Variants in UFSP2 observed in about 807,000 individuals in gnomAD.
UFSP2 encodes the protein ufm1-specific protease 2.
In UFSP2, 43 loss-of-function variants were observed where a neutral mutation model predicts 60.2. The observed-to-expected ratio is 0.71, with a 90% CI of 0.56 to 0.92. The LOEUF is 0.92. Ranked by LOEUF, UFSP2 falls within the 40% of genes least tolerant of loss-of-function variation. UFSP2 has a pLI of 0.00. For missense variants in UFSP2, 520 were observed against 575.0 expected (o/e 0.90, Z 0.98); for synonymous variants, 183 against 195.1 (o/e 0.94, Z 0.52).
In UFSP2 at chr4:185,421,219, T is replaced by G. The variant is rs192451160; in HGVS notation, c.82+1266A>C. Among the ~76,000 whole-genome samples the G allele has an allele frequency of 7.9e-5, 12 of 152,340 alleles. 1 individual carries two copies. The highest frequency in any genetic ancestry group is 7.8e-4 in the Admixed American group (12 of 15,300). Reference sequence around the variant, plus strand: ...ACCAAAACTGAGAACAATTTATTAGTTGAAGGGATGGGTGGAAAAGAATAT... The same window carrying G: ...ACCAAAACTGAGAACAATTTATTAGGTGAAGGGATGGGTGGAAAAGAATAT... On this transcript the variant is annotated intron_variant, in intron 2 of 11. Transcript: ENST00000264689.
At chr4:185,417,542 T>C (rs568940706) in intron 4 of UFSP2, among the ~76,000 whole-genome samples, 1 of 152,310 alleles carries the variant, frequency 6.6e-6, no homozygotes, top group South Asian at 2.1e-4. Flanking sequence ...TTTCCATAGC[T>C]AGTGGTTTAG....
chr4:185,401,182 T>G (rs1374084252), intron 11 of UFSP2, among the ~76,000 whole-genome samples: 1 of 152,178 alleles, frequency 6.6e-6, no homozygotes, highest in Non-Finnish European at 1.5e-5. Flanking sequence ...GAAAATACCA[T>G]GAAGTGAGTG....
Position 185,425,939 on chromosome 4 carries a change from G to C in UFSP2, c.-71C>G, listed in dbSNP as rs148125914. On this transcript the variant is annotated 5_prime_UTR_variant, in exon 1 of 12. Transcript: ENST00000264689. ...TTCCGGGGGCCGGCCCTGAAGTGGT[G>C]TCACCGCACGGCCCAGGGGCGGGGC... The C allele has an allele frequency of 1.3e-6, 2 of 1,539,502 alleles. No homozygotes were observed. The highest frequency in any genetic ancestry group is 2.7e-5 in the African/African-American group (2 of 73,508).
At position 185,418,510 on chromosome 4, in the gene UFSP2, A is replaced by G; in HGVS notation, c.267-3T>C. Reference sequence around the variant, plus strand: ...TTATATCTTCTTCTGGCTCAAATCTAAATTTTTAATACACAGACATTTATA... The same window carrying G: ...TTATATCTTCTTCTGGCTCAAATCTGAATTTTTAATACACAGACATTTATA... On this transcript the variant is annotated splice_region_variant and splice_polypyrimidine_tract_variant and intron_variant, in intron 3 of 11. Coordinates refer to ENST00000264689, the MANE Select transcript of UFSP2 (RefSeq NM_018359.5). 1.2e-6 allele frequency: 2 copies of G among 1,611,340 alleles called. No homozygotes were observed. The highest frequency in any genetic ancestry group is 1.7e-6 in the Non-Finnish European group (2 of 1,178,862).
intron 4 of UFSP2, chr4:185,416,128 C>T (rs2095538293): frequency 3.7e-6 from 1 of 270,620 alleles, no homozygotes; most frequent in South Asian, 1.6e-4. Context: ...AGCTGTACTA[C>T]AGTAAAAAGA....
chr4:185,403,966 C>CT, intron 10 of UFSP2, among the ~76,000 whole-genome samples: 1 of 85,110 alleles, frequency 1.2e-5, no homozygotes. Flanking sequence ...GCAAGACTCT[C>CT]AAAAAAAAAA....
chr4:185,422,493 G>C lies in UFSP2; in HGVS notation c.74C>G (p.Thr25Ser). ...TTTTTCAGAAGACCTACCATTAGGA[G>C]TAGCTAGCTGAAAAGCCAAATCAAG... is the stretch of plus-strand genomic sequence containing the variant. Reference protein sequence around the residue: ...GGLDLAFQLATPNEIFLKKAL... With the variant: ...GGLDLAFQLASPNEIFLKKAL... Residue 25 changes from threonine to serine, a missense_variant, in exon 2 of 12, where the codon ACT becomes AGT. By Grantham distance (58) the Thr-to-Ser change is moderately conservative. Transcript: ENST00000264689. 6.2e-7 allele frequency: 1 copy of C among 1,609,264 alleles called. No homozygotes were observed. Among genetic ancestry groups the C allele is most frequent in the Non-Finnish European group, 8.5e-7 (1 of 1,178,344 alleles).
In UFSP2 at chr4:185,403,527, G is replaced by C. The variant is rs554498536; in HGVS notation, c.1290C>G (p.Thr430=). ...IKFLILDPHY[T]GAEDLQVILE... is the part of the protein sequence containing the mutation. ...AAATAACTTGCAGGTCTTCAGCACC[G>C]GTATAATGTGGATCTAGAATCAGAA... The change falls in exon 11 of 12, where the codon ACC becomes ACG. Residue 430 remains threonine (T), a synonymous_variant. Coordinates refer to ENST00000264689, the MANE Select transcript of UFSP2 (RefSeq NM_018359.5). 1.2e-6 allele frequency: 2 copies of C among 1,613,948 alleles called. No individual in the cohort carries two copies. Among genetic ancestry groups the C allele is most frequent in the Non-Finnish European group, 1.7e-6 (2 of 1,179,988 alleles).
chr4:185,413,932 A>G, intron 6 of UFSP2, 60 bp from the exon 7 acceptor site: 2 of 1,442,340 alleles, frequency 1.4e-6, no homozygotes, highest in Non-Finnish European at 1.9e-6. Context: ...ATTCCTAGTC[A>G]ATAAATAAAG....
At position 185,400,590 on chromosome 4, in the gene UFSP2, C is replaced by T; in HGVS notation, c.1324-112G>A. On this transcript the variant is annotated intron_variant, in intron 11 of 11. Transcript: ENST00000264689. ...GACCTTGGAATAAGACTCTAAATGG[C>T]TTTATCATTCAAGGATTTGAATTCC... 3 of 621,070 alleles carry T rather than the reference C, an allele frequency of 4.8e-6. No homozygotes were observed. In the South Asian group the frequency reaches 8.2e-5, roughly 17 times the overall value. 38.5% of individuals were successfully genotyped at this position (621,070 alleles called of 1,614,324 possible). A position where few individuals can be genotyped will look rare whatever the true frequency, so the allele number is the denominator to read the frequency against.
intron 1 of UFSP2, among the ~76,000 whole-genome samples, chr4:185,423,547 C>T (rs1289055218): frequency 8.2e-6 from 1 of 122,440 alleles, no homozygotes; most frequent in African/African-American, 2.5e-5. Flanking sequence ...AACCTAACTG[C>T]CAACAATAGA....
At chr4:185,411,154 T>A (rs1379479227) in intron 7 of UFSP2, among the ~76,000 whole-genome samples, 1 of 148,240 alleles carries the variant, frequency 6.7e-6, no homozygotes, top group Non-Finnish European at 1.5e-5. Context: ...GGCATAAAAA[T>A]GATATGAAGA....
chr4:185,402,501 A>C (rs769345102), intron 11 of UFSP2, among the ~76,000 whole-genome samples: 1 of 152,124 alleles, frequency 6.6e-6, no homozygotes, highest in Non-Finnish European at 1.5e-5. Context: ...TTGAGCTGGA[A>C]TTTCACTCCT....
intron 2 of UFSP2, 96 bp downstream of exon 2, chr4:185,422,389 C>T: frequency 1.1e-6 from 1 of 884,518 alleles, no homozygotes; most frequent in Non-Finnish European, 1.8e-6. Context: ...CTTAGTTCAT[C>T]CTATCTCTCT....
intron 11 of UFSP2, among the ~76,000 whole-genome samples, chr4:185,401,172 GAAAAT>G (rs2095512748): frequency 6.6e-6 from 1 of 152,138 alleles, no homozygotes; most frequent in Non-Finnish European, 1.5e-5. Flanking sequence ...CTGAGACTCT[GAAAAT>G]ACCATGAAGT....
chr4:185,408,353 C>G lies in UFSP2; in HGVS notation c.914G>C (p.Arg305Pro), dbSNP rs757058971. 6.2e-7 allele frequency: 1 copy of G among 1,613,922 alleles called. No individual in the cohort carries two copies. The highest frequency in any genetic ancestry group is 2.2e-5 in the East Asian group (1 of 44,876). The change falls in exon 8 of 12, where the codon CGA (arginine) becomes CCA (proline). Residue 305 changes from arginine (R) to proline (P), a missense_variant. Physicochemically the swap from Arg to Pro is moderately radical, Grantham distance 103. Coordinates refer to ENST00000264689, the MANE Select transcript of UFSP2 (RefSeq NM_018359.5). ...CCAAGAGCAGATAGTCTGCAGAGAT[C>G]GATAAGCACAGCCCCAGCCATTGTC... ...IDDNGWGCAY[R>P]SLQTICSWFK...
intron 11 of UFSP2, chr4:185,402,127 C>T (rs1482693315): frequency 3.6e-6 from 1 of 280,092 alleles, no homozygotes; most frequent in Non-Finnish European, 7.3e-6. Flanking sequence ...CTCGAGAGTC[C>T]TTTTTGCACT....
intron 7 of UFSP2, among the ~76,000 whole-genome samples, chr4:185,410,957 AAAAG>A (rs1191795515): frequency 4.8e-4 from 72 of 151,252 alleles, no homozygotes; most frequent in African/African-American, 1.4e-3. Flanking sequence ...AAAAAAAAAA[AAAAG>A]AAAGAAAGAA....
chr4:185,408,064 G>C lies in UFSP2; in HGVS notation c.997-4C>G, dbSNP rs1580056070. On this transcript the variant is annotated splice_region_variant and splice_polypyrimidine_tract_variant and intron_variant, in intron 8 of 11. Transcript: ENST00000264689. ...TGTCCCCGGCATCGACTAGAGCCTT[G>C]ATGTATTTAAAAATATAAAACATCC... The C allele has an allele frequency of 6.2e-7, 1 of 1,612,996 alleles. No homozygotes were observed. Among genetic ancestry groups the C allele is most frequent in the South Asian group, 1.1e-5 (1 of 90,908 alleles).
Sources: allele counts gnomAD v4.1 joint callset (sites outside exome capture counted in the v4.1 genomes callset), GRCh38; gene constraint gnomAD v4.1.1; transcripts MANE v1.5; gene names NCBI Gene and HGNC (gene_info 2026-07-23, HGNC 2026-07-21).